Variants in FOXP1 observed in about 807,000 individuals in gnomAD.
FOXP1 encodes the protein forkhead box P1, also known as forkhead box protein P1.
FOXP1 carries 15 observed loss-of-function variants against 98.2 expected under a neutral mutation model. The observed-to-expected ratio is 0.15, with a 90% CI of 0.10 to 0.24. The LOEUF (loss-of-function observed/expected upper bound fraction) is 0.24. FOXP1 is among the 10% of genes least tolerant of loss of function. The pLI, the probability that FOXP1 is intolerant of heterozygous loss-of-function variation, is 1.00. For synonymous variants in FOXP1, 371 were observed against 314.5 expected, an observed-to-expected ratio of 1.18 and a Z score of -1.90; for missense variants, 633 against 848.5, an observed-to-expected ratio of 0.75 and a Z score of 3.15.
rs1368656285 is a variant in FOXP1 at position 71,126,486 on chromosome 3, C to T, written c.181-13849G>A. On this transcript the variant is annotated intron_variant, in intron 6 of 20. Coordinates refer to ENST00000649528, the MANE Select transcript of FOXP1 (RefSeq NM_001349338.3). ...CCTGGGCCACAGAGTGAGACTCTGT[C>T]TCAAAAAAATAATCAAATAAATAAA... Among the ~76,000 whole-genome samples, 11 of 151,774 alleles carry T rather than the reference C, an allele frequency of 7.2e-5. No homozygotes were observed. The East Asian group carries it at 2.1e-3, about 29-fold the overall frequency.
chr3:71,123,282 T>C (rs905791978), intron 6 of FOXP1, among the ~76,000 whole-genome samples: 1 of 152,210 alleles, frequency 6.6e-6, no homozygotes, highest in Admixed American at 6.5e-5. Context: ...TTTCTACTGT[T>C]GTGATGGCAA....
At chr3:71,041,035 A>G (rs2048272315) in intron 11 of FOXP1, among the ~76,000 whole-genome samples, 1 of 152,214 alleles carries the variant, frequency 6.6e-6, no homozygotes, top group Non-Finnish European at 1.5e-5. Flanking sequence ...CACTTGGCAG[A>G]AGGAGTAGGC....
chr3:71,155,884 C>T (rs938913195), intron 6 of FOXP1, among the ~76,000 whole-genome samples: 4 of 152,170 alleles, frequency 2.6e-5, no homozygotes, highest in Non-Finnish European at 5.9e-5. Flanking sequence ...AAGACAGCCC[C>T]GCAGTGCAGG....
At chr3:71,422,040 C>T (rs993243670) in intron 3 of FOXP1, among the ~76,000 whole-genome samples, 1 of 152,264 alleles carries the variant, frequency 6.6e-6, no homozygotes, top group East Asian at 1.9e-4. Flanking sequence ...CTGCAGTCAC[C>T]CCGCAATTGG....
chr3:71,209,748 T>C (rs2064314190), intron 5 of FOXP1, among the ~76,000 whole-genome samples: 1 of 152,212 alleles, frequency 6.6e-6, no homozygotes, highest in Non-Finnish European at 1.5e-5. Context: ...AAGAAAGTTA[T>C]CATGCCTTAT....
intron 6 of FOXP1, among the ~76,000 whole-genome samples, chr3:71,151,582 G>T (rs948056097): frequency 6.6e-6 from 1 of 151,408 alleles, no homozygotes; most frequent in Non-Finnish European, 1.5e-5. Context: ...CTCTGCACTA[G>T]ATAGAAAGAC....
chr3:71,194,137 G>GT (rs1173887265), intron 6 of FOXP1, among the ~76,000 whole-genome samples: 1 of 151,914 alleles, frequency 6.6e-6, no homozygotes, highest in Non-Finnish European at 1.5e-5. Context: ...TATCTTAAAA[G>GT]TTTTTTCTCA....
At chr3:71,020,216 C>T (rs2045225859) in intron 11 of FOXP1, among the ~76,000 whole-genome samples, 1 of 152,096 alleles carries the variant, frequency 6.6e-6, no homozygotes, top group Non-Finnish European at 1.5e-5. Flanking sequence ...AAAGAACCAA[C>T]TTGCATGAAA....
At chr3:71,251,754 T>G (rs764481292) in intron 5 of FOXP1, among the ~76,000 whole-genome samples, 2 of 152,216 alleles carry the variant, frequency 1.3e-5, no homozygotes, top group African/African-American at 4.8e-5. Context: ...ATTTTAGCTT[T>G]AGCAATGATA....
intron 6 of FOXP1, among the ~76,000 whole-genome samples, chr3:71,163,279 G>A (rs992981698): frequency 9.2e-5 from 14 of 152,186 alleles, no homozygotes; most frequent in Admixed American, 9.2e-4. Flanking sequence ...TACTTCAAAG[G>A]AGTGGACAAA....
At chr3:71,188,433 A>AGAT (rs1416566322) in intron 6 of FOXP1, among the ~76,000 whole-genome samples, 1 of 133,564 alleles carries the variant, frequency 7.5e-6, no homozygotes, top group Non-Finnish European at 1.6e-5. Context: ...TTTTTTTTTG[A>AGAT]GATGGACTCT....
At chr3:71,161,792 A>C (rs1350915574) in intron 6 of FOXP1, among the ~76,000 whole-genome samples, 1 of 152,212 alleles carries the variant, frequency 6.6e-6, no homozygotes, top group East Asian at 1.9e-4. Flanking sequence ...AGATCTGTTA[A>C]GTGGTTATAA....
chr3:71,365,376 C>T (rs1207161534), intron 3 of FOXP1, among the ~76,000 whole-genome samples: 1 of 151,452 alleles, frequency 6.6e-6, no homozygotes, highest in Non-Finnish European at 1.5e-5. Flanking sequence ...TTCCAAGGGC[C>T]CATGCGCCCA....
chr3:71,062,440 G>C (rs973462809), intron 7 of FOXP1, among the ~76,000 whole-genome samples: 3 of 152,120 alleles, frequency 2.0e-5, no homozygotes, highest in Non-Finnish European at 4.4e-5. Context: ...TTGACACTTA[G>C]GTTGTTTTCT....
chr3:71,409,908 G>A (rs746923636), intron 3 of FOXP1, among the ~76,000 whole-genome samples: 20 of 152,166 alleles, frequency 1.3e-4, no homozygotes, highest in Non-Finnish European at 2.5e-4. Context: ...TCAGCTACCT[G>A]GAAGGGTGAG....
At chr3:71,021,617 C>T (rs928771944) in intron 11 of FOXP1, among the ~76,000 whole-genome samples, 9 of 152,114 alleles carry the variant, frequency 5.9e-5, no homozygotes, top group Non-Finnish European at 1.0e-4. Flanking sequence ...ACTTTGAGAC[C>T]GCTTTCCAAA....
At chr3:71,566,108 G>A (rs1221717913) in intron 2 of FOXP1, among the ~76,000 whole-genome samples, 1 of 152,200 alleles carries the variant, frequency 6.6e-6, no homozygotes, top group Non-Finnish European at 1.5e-5. Context: ...CATGACAGCA[G>A]TTAAAGATTC....
intron 2 of FOXP1, among the ~76,000 whole-genome samples, chr3:71,516,450 C>G (rs2042587354): frequency 6.6e-6 from 1 of 152,088 alleles, no homozygotes; most frequent in Non-Finnish European, 1.5e-5. Context: ...GCAATTATAC[C>G]AAAAGAAAAA....
At chr3:71,245,019 C>T (rs2067613890) in intron 5 of FOXP1, 2 of 151,180 alleles carry the variant, frequency 1.3e-5, no homozygotes, top group Admixed American at 1.3e-4. Flanking sequence ...TCCAAACAAA[C>T]GCAGCTCAGC....
Sources: gnomAD v4.1 joint callset for allele counts (sites outside exome capture counted in the v4.1 genomes callset) on GRCh38, gnomAD v4.1.1 for gene constraint, MANE v1.5 for transcripts, NCBI Gene and HGNC (gene_info 2026-07-23, HGNC 2026-07-21) for gene names.